RAVER2: variants seen among roughly 807,000 people sequenced by gnomAD.
The protein encoded by RAVER2 is ribonucleoprotein, PTB binding 2.
RAVER2 carries 46 observed loss-of-function variants against 78.1 expected under a neutral mutation model. The observed-to-expected ratio is 0.59, with a 90% CI of 0.46 to 0.75. The LOEUF is 0.75. Among genes scored for constraint, RAVER2 ranks in the 30% least tolerant of loss-of-function variants. The pLI is 0.00. For missense variants in RAVER2, 793 were observed against 837.5 expected, an observed-to-expected ratio of 0.95 and a Z score of 0.66; for synonymous variants, 311 against 313.3, an observed-to-expected ratio of 0.99 and a Z score of 0.08.
At chr1:64,801,103 A>G (rs1276694939) in intron 5 of RAVER2, among the ~76,000 whole-genome samples, 4 of 149,354 alleles carry the variant, frequency 2.7e-5, no homozygotes, top group Non-Finnish European at 4.4e-5. Flanking sequence ...TTTGTATATT[A>G]TTATTATTAT....
chr1:64,755,859 T>C (rs1387714163), intron 1 of RAVER2, among the ~76,000 whole-genome samples: 1 of 150,666 alleles, frequency 6.6e-6, no homozygotes, highest in Non-Finnish European at 1.5e-5. Context: ...GTTTTAAGTA[T>C]AGCGTAAAGA....
chr1:64,771,349 A>G (rs1227567912), intron 2 of RAVER2, among the ~76,000 whole-genome samples: 1 of 152,006 alleles, frequency 6.6e-6, no homozygotes, highest in Non-Finnish European at 1.5e-5. Flanking sequence ...CAGTGATGAA[A>G]TAGAGATGTT....
intron 11 of RAVER2, among the ~76,000 whole-genome samples, chr1:64,817,826 C>A: frequency 6.6e-6 from 1 of 152,028 alleles, no homozygotes; most frequent in African/African-American, 2.4e-5. Context: ...GGGTGCAGCA[C>A]ACCAACATGG....
At chr1:64,778,398 C>T (rs1165276719) in intron 3 of RAVER2, among the ~76,000 whole-genome samples, 1 of 152,174 alleles carries the variant, frequency 6.6e-6, no homozygotes, top group Non-Finnish European at 1.5e-5. Context: ...CTTTTATTTA[C>T]CATCTTCTGT....
At chr1:64,795,514 A>G (rs929755048) in intron 5 of RAVER2, among the ~76,000 whole-genome samples, 1 of 152,036 alleles carries the variant, frequency 6.6e-6, no homozygotes, top group African/African-American at 2.4e-5. Flanking sequence ...TTCAGATACA[A>G]ATCTTATACA....
chr1:64,771,076 A>G (rs1437384117), intron 2 of RAVER2, among the ~76,000 whole-genome samples: 5 of 152,020 alleles, frequency 3.3e-5, no homozygotes, highest in Non-Finnish European at 7.4e-5. Flanking sequence ...AACCAACTTC[A>G]AGTACAAAAG....
At chr1:64,770,786 A>G (rs1026737835) in intron 2 of RAVER2, among the ~76,000 whole-genome samples, 3 of 152,036 alleles carry the variant, frequency 2.0e-5, no homozygotes, top group Admixed American at 1.3e-4. Flanking sequence ...GAAAATTACA[A>G]CATCTGACAT....
intron 1 of RAVER2, among the ~76,000 whole-genome samples, chr1:64,753,945 T>C (rs1651778416): frequency 6.6e-6 from 1 of 152,212 alleles, no homozygotes; most frequent in Admixed American, 6.5e-5. Flanking sequence ...TGTCATTGTA[T>C]CTTTTAAAAT....
At chr1:64,829,475 GAAGAAGGCAGCTGGAGAGAATAACC>G (rs2100907281) in intron 11 of RAVER2, among the ~76,000 whole-genome samples, 1 of 152,244 alleles carries the variant, frequency 6.6e-6, no homozygotes, top group East Asian at 1.9e-4. Flanking sequence ...GGGCCCTAAT[GAAGAAGGCAGCTGGAGAGAATAACC>G]AAGAGGCTGG....
chr1:64,745,466 G>A lies in RAVER2; in HGVS notation c.249+45G>A. Reference sequence around the variant, plus strand: ...GGCGACGCGTCCCGAGGGGCGGCGGGGCGGCGCTCCGTGTCCAGGCTGGGA... The same window carrying A: ...GGCGACGCGTCCCGAGGGGCGGCGGAGCGGCGCTCCGTGTCCAGGCTGGGA... On this transcript the variant is annotated intron_variant, in intron 1 of 11. Transcript: ENST00000294428. This position sits in a 1 kb window ranked among gnomAD's most constrained non-coding sequence, Gnocchi z 4.3. 6.8e-7 allele frequency: 1 copy of A among 1,480,968 alleles called. No homozygotes were observed. Among genetic ancestry groups the A allele is most frequent in the Non-Finnish European group, 9.0e-7 (1 of 1,105,452 alleles). The allele number at this position is 1,480,968 out of a possible 1,614,324, so 91.7% of individuals were successfully genotyped here.
At chr1:64,788,063 T>C (rs1197159538) in intron 4 of RAVER2, among the ~76,000 whole-genome samples, 1 of 152,232 alleles carries the variant, frequency 6.6e-6, no homozygotes, top group Non-Finnish European at 1.5e-5. Flanking sequence ...TCCATCAAGC[T>C]GGTTTTTAAA....
chr1:64,779,614 T>C (rs1192688186), intron 3 of RAVER2, among the ~76,000 whole-genome samples: 1 of 151,718 alleles, frequency 6.6e-6, no homozygotes, highest in Non-Finnish European at 1.5e-5. Flanking sequence ...TGGGCTCAAG[T>C]GATCCTCCTG....
intron 4 of RAVER2, among the ~76,000 whole-genome samples, chr1:64,787,455 C>A (rs1348072071): frequency 6.6e-6 from 1 of 152,128 alleles, no homozygotes; most frequent in East Asian, 1.9e-4. Flanking sequence ...TGAGCCCAGC[C>A]CTTTTCCCAC....
At chr1:64,824,336 C>A (rs12402976) in intron 11 of RAVER2, among the ~76,000 whole-genome samples, 7,633 of 152,250 alleles carry the variant, frequency 0.05, 303 homozygotes, top group Admixed American at 0.14. Context: ...AAAATGAATG[C>A]TTGGTCCTTT....
At chr1:64,817,811 C>T (rs908281299) in intron 11 of RAVER2, among the ~76,000 whole-genome samples, 21 of 151,866 alleles carry the variant, frequency 1.4e-4, no homozygotes, top group African/African-American at 4.4e-4. Context: ...AAATGACGAG[C>T]TAATGGGTGC....
At chr1:64,784,366 G>A (rs1652720550) in intron 4 of RAVER2, among the ~76,000 whole-genome samples, 1 of 152,146 alleles carries the variant, frequency 6.6e-6, no homozygotes, top group Non-Finnish European at 1.5e-5. Context: ...GACAAAGTAA[G>A]ACCTTGTCTC....
chr1:64,809,798 A>G (rs1653555622), intron 9 of RAVER2, among the ~76,000 whole-genome samples: 1 of 152,074 alleles, frequency 6.6e-6, no homozygotes. Flanking sequence ...CACCGTTTCT[A>G]CTTTTGTCTT....
At chr1:64,779,784 C>T (rs956513341) in intron 3 of RAVER2, among the ~76,000 whole-genome samples, 1 of 151,142 alleles carries the variant, frequency 6.6e-6, no homozygotes, top group African/African-American at 2.4e-5. Flanking sequence ...TTGTGAACCC[C>T]CCCGAGTTGG....
chr1:64,814,255 T>G (rs762297140), intron 10 of RAVER2, among the ~76,000 whole-genome samples: 9 of 152,224 alleles, frequency 5.9e-5, no homozygotes, highest in South Asian at 2.1e-4. Context: ...CCACCATTCC[T>G]GGCAAATTTT....
Sources: allele counts gnomAD v4.1 joint callset (sites outside exome capture counted in the v4.1 genomes callset), GRCh38; gene constraint gnomAD v4.1.1; non-coding constraint Gnocchi (gnomAD v3.1); transcripts MANE v1.5; gene names NCBI Gene and HGNC (gene_info 2026-07-23, HGNC 2026-07-21).